LAMC1: variants seen among roughly 807,000 people sequenced by gnomAD.
LAMC1 encodes the protein laminin subunit gamma 1.
In LAMC1, 38 loss-of-function variants were observed where a neutral mutation model predicts 173.6. The observed-to-expected ratio is 0.22, with a 90% confidence interval of 0.17 to 0.29. LAMC1 has a LOEUF of 0.29. Among genes scored for constraint, LAMC1 ranks in the 10% least tolerant of loss-of-function variants. The pLI, the probability that LAMC1 is intolerant of heterozygous loss-of-function variation, is 1.00. For synonymous variants in LAMC1, 746 were observed against 749.1 expected (o/e 1.00, Z 0.07); for missense variants, 1,824 against 2,051.8 (o/e 0.89, Z 2.14).
In LAMC1 at chr1:183,127,416, A is replaced by G. The variant is rs375779626; in HGVS notation, c.3123+12A>G. 7 of 1,612,972 alleles carry G rather than the reference A, an allele frequency of 4.3e-6. No individual in the cohort carries two copies. Among genetic ancestry groups the G allele is most frequent in the Non-Finnish European group, 5.9e-6 (7 of 1,179,024 alleles). On this transcript the variant is annotated intron_variant, in intron 17 of 27. Transcript: ENST00000258341. ...TGGTAAAGGATAAGGTAAGCTGTCA[A>G]TAGTGCATTCATTCATTCATCCAGC...
chr1:183,054,135 G>T (rs1362463764), intron 1 of LAMC1, among the ~76,000 whole-genome samples: 1 of 152,142 alleles, frequency 6.6e-6, no homozygotes, highest in East Asian at 1.9e-4. Flanking sequence ...TGATTTTCAG[G>T]TGCATTTGTA....
intron 21 of LAMC1, among the ~76,000 whole-genome samples, chr1:183,132,879 G>A (rs1656835353): frequency 6.6e-6 from 1 of 152,056 alleles, no homozygotes. Flanking sequence ...GAAAGTATAT[G>A]GTAAGCCATA....
At chr1:183,035,289 A>C (rs939633437) in intron 1 of LAMC1, among the ~76,000 whole-genome samples, 1 of 152,212 alleles carries the variant, frequency 6.6e-6, no homozygotes, top group African/African-American at 2.4e-5. Context: ...CCTGGGCTCA[A>C]ACAAACCTCC....
chr1:183,027,274 A>G (rs536171653), intron 1 of LAMC1, among the ~76,000 whole-genome samples: 1 of 121,640 alleles, frequency 8.2e-6, no homozygotes, highest in South Asian at 3.3e-4. Context: ...GTGGGGAGAA[A>G]TCTCCACCAG....
At position 183,128,636 on chromosome 1, in the gene LAMC1, A is replaced by T. The variant is rs764384201; in HGVS notation, c.3166A>T (p.Ile1056Leu). The change falls in exon 18 of 28, where the codon ATA (isoleucine) becomes TTA (leucine). Residue 1056 changes from isoleucine (I) to leucine (L), a missense_variant. Coordinates refer to ENST00000258341, the MANE Select transcript of LAMC1 (RefSeq NM_002293.4). ...RVKLQELESLIANLGTGDEMV... is the reference protein window; with the variant it reads ...RVKLQELESLLANLGTGDEMV... ...GAAGCTCCAGGAATTAGAGAGTCTC[A>T]TAGCAAACCTTGGAACTGGGGATGA... The T allele has an allele frequency of 1.9e-6, 3 of 1,613,442 alleles. No homozygotes were observed. The Admixed American group carries it at 5.0e-5, about 27-fold the overall frequency.
At chr1:183,128,548 T>C (rs1348410025) in intron 17 of LAMC1, 46 bp from the exon 18 acceptor site, 18 of 1,544,164 alleles carry the variant, frequency 1.2e-5, no homozygotes, top group African/African-American at 1.4e-5. Context: ...TCTTCAGGAA[T>C]ACTTGTGTGT....
chr1:183,035,168 CAGAGG>C (rs1285106222), intron 1 of LAMC1, among the ~76,000 whole-genome samples: 3 of 152,120 alleles, frequency 2.0e-5, no homozygotes, highest in Non-Finnish European at 4.4e-5. Context: ...CACTTAAGAA[CAGAGG>C]ATTTTTTTTT....
intron 1 of LAMC1, among the ~76,000 whole-genome samples, chr1:183,102,736 T>C (rs1655866972): frequency 6.6e-6 from 1 of 152,224 alleles, no homozygotes; most frequent in African/African-American, 2.4e-5. Flanking sequence ...GTTCATCCAC[T>C]GAAGGAATTT....
chr1:183,023,842 C>T lies in LAMC1; in HGVS notation c.126C>T (p.Asp42=). Residue 42 remains aspartate (D), a synonymous_variant, in exon 1 of 28, where the codon GAC becomes GAT. Transcript: ENST00000258341. ...CAQAAMDECT[D]EGGRPQRCMP... is the part of the protein sequence containing the mutation. ...AGGCAGCCATGGACGAGTGCACGGA[C>T]GAGGGCGGGCGGCCGCAGCGCTGCA... is the stretch of plus-strand genomic sequence containing the variant. The T allele has an allele frequency of 6.2e-7, 1 of 1,604,266 alleles. No individual in the cohort carries two copies. The highest frequency in any genetic ancestry group is 1.3e-5 in the African/African-American group (1 of 74,902).
At chr1:183,083,116 A>G (rs1333883304) in intron 1 of LAMC1, among the ~76,000 whole-genome samples, 2 of 152,222 alleles carry the variant, frequency 1.3e-5, no homozygotes, top group African/African-American at 4.8e-5. Context: ...TTGGTGCAAG[A>G]CAGGTAAAGA....
At chr1:183,039,531 ATTTG>A (rs1356204152) in intron 1 of LAMC1, among the ~76,000 whole-genome samples, 2 of 152,200 alleles carry the variant, frequency 1.3e-5, no homozygotes, top group Non-Finnish European at 1.5e-5. Flanking sequence ...CTGTAATAAA[ATTTG>A]TTTATTATCA....
chr1:183,117,550 G>A lies in LAMC1; in HGVS notation c.1704G>A (p.Lys568=). 1 of 1,614,006 alleles carries A rather than the reference G, an allele frequency of 6.2e-7. No homozygotes were observed. The highest frequency in any genetic ancestry group is 8.5e-7 in the Non-Finnish European group (1 of 1,179,916). Reference sequence around the variant, plus strand: ...GTATTCCAGCAAAGTTCTTGGGCAAGCAGGTGTTGAGTTATGGTCAGAACC... The same window carrying A: ...GTATTCCAGCAAAGTTCTTGGGCAAACAGGTGTTGAGTTATGGTCAGAACC... ...YFIAPAKFLG[K]QVLSYGQNLS... is the part of the protein sequence containing the mutation. The change falls in exon 10 of 28, where the codon AAG becomes AAA. Residue 568 remains lysine (K), a synonymous_variant. Transcript: ENST00000258341.
chr1:183,028,442 T>G (rs1174819996), intron 1 of LAMC1, among the ~76,000 whole-genome samples: 2 of 152,170 alleles, frequency 1.3e-5, no homozygotes, highest in Admixed American at 6.5e-5. Context: ...GGCATTACAA[T>G]AATAAATCAA....
In LAMC1 at chr1:183,140,508, G is replaced by A; in HGVS notation, c.4573+5G>A. On this transcript the variant is annotated splice_donor_5th_base_variant and intron_variant, in intron 27 of 27. Transcript: ENST00000258341. ...ATGACCTCTTGGAGCAGCTGGGTAC[G>A]TAGCCATAGAGTCATTTTTGTCAGT... The A allele has an allele frequency of 1.3e-6, 2 of 1,592,044 alleles. No homozygotes were observed. The highest frequency in any genetic ancestry group is 1.3e-5 in the African/African-American group (1 of 74,524).
chr1:183,099,544 C>T (rs144534202), intron 1 of LAMC1, among the ~76,000 whole-genome samples: 17 of 152,248 alleles, frequency 1.1e-4, no homozygotes, highest in African/African-American at 4.1e-4. Flanking sequence ...CTCCTCAAAA[C>T]CATCTTTCCT....
chr1:183,067,542 G>A (rs768968780), intron 1 of LAMC1, among the ~76,000 whole-genome samples: 163 of 152,252 alleles, frequency 1.1e-3, no homozygotes, highest in African/African-American at 3.8e-3. Flanking sequence ...AGGCTGGAGT[G>A]CAGTGGCAGG....
chr1:183,056,352 C>A (rs750753455), intron 1 of LAMC1, among the ~76,000 whole-genome samples: 3 of 152,212 alleles, frequency 2.0e-5, no homozygotes, highest in Non-Finnish European at 4.4e-5. Flanking sequence ...GCTTCCTTTT[C>A]ATTTTCTCTG....
At chr1:183,057,915 T>C (rs1654639355) in intron 1 of LAMC1, among the ~76,000 whole-genome samples, 1 of 152,220 alleles carries the variant, frequency 6.6e-6, no homozygotes, top group African/African-American at 2.4e-5. Flanking sequence ...ATATTATATA[T>C]TTTTATGTGC....
At chr1:183,133,630 C>G (rs1172735032) in intron 22 of LAMC1, 80 bp downstream of exon 22, 16 of 1,316,342 alleles carry the variant, frequency 1.2e-5, no homozygotes, top group East Asian at 2.5e-5. Context: ...CTGCACCTCC[C>G]TCTGTCCTCC....
Sources: gnomAD v4.1 joint callset for allele counts (sites outside exome capture counted in the v4.1 genomes callset) on GRCh38, gnomAD v4.1.1 for gene constraint, MANE v1.5 for transcripts, NCBI Gene and HGNC (gene_info 2026-07-23, HGNC 2026-07-21) for gene names.